Variants in LTF observed in about 807,000 individuals in gnomAD.
LTF encodes lactotransferrin.
A neutral mutation model predicts 87.2 loss-of-function variants in LTF; 91 were observed. The observed-to-expected ratio is 1.04, with a 90% CI of 0.88 to 1.24. The LOEUF (loss-of-function observed/expected upper bound fraction) is 1.24. LTF is among the 50% of genes most tolerant of loss of function. The probability of loss-of-function intolerance (pLI) is 0.00; values close to 1 mark genes in which losing one functional copy is unlikely to be tolerated. For missense variants in LTF, 901 were observed against 904.3 expected (o/e 1.00, Z 0.05); for synonymous variants, 378 against 356.1 (o/e 1.06, Z -0.69).
chr3:46,450,417 C>A, intron 7 of LTF, 78 bp downstream of exon 7: 1 of 1,472,968 alleles, frequency 6.8e-7, no homozygotes, highest in Non-Finnish European at 9.3e-7. Flanking sequence ...TCTGGAGTGG[C>A]AGAAGTCAGG....
At chr3:46,441,800 T>C in intron 13 of LTF, 1 of 263,152 alleles carries the variant, frequency 3.8e-6, no homozygotes. Flanking sequence ...ACCACAGATG[T>C]GCAGGCGGCC....
Position 46,438,122 on chromosome 3 carries a change from A to T in LTF, c.1916T>A (p.Phe639Tyr), listed in dbSNP as rs1467524617. 1 of 1,612,914 alleles carries T rather than the reference A, an allele frequency of 6.2e-7. No homozygotes were observed. Among genetic ancestry groups the T allele is most frequent in the African/African-American group, 1.3e-5 (1 of 74,770 alleles). The change falls in exon 16 of 17, where the codon TTT becomes TAT. Residue 639 changes from phenylalanine (F) to tyrosine (Y), a missense_variant. Coordinates refer to ENST00000231751, the MANE Select transcript of LTF (RefSeq NM_002343.6). Reference protein sequence around the residue: ...KQVLLHQQAKFGRNGSDCPDK... With the variant: ...KQVLLHQQAKYGRNGSDCPDK... Reference sequence around the variant, plus strand: ...CGGGCAGTCAGATCCATTTCTCCCAAATTTAGCCTGCGACAAAAGGGCAGA... The same window carrying T: ...CGGGCAGTCAGATCCATTTCTCCCATATTTAGCCTGCGACAAAAGGGCAGA...
At chr3:46,466,625 G>A (rs1482471946), upstream of LTF, among the ~76,000 whole-genome samples, 1 of 152,184 alleles carries the variant, frequency 6.6e-6, no homozygotes, top group Admixed American at 6.5e-5. Context: ...CATGAGACTG[G>A]GGTCTGAGAT....
rs763507811 is a variant in LTF, at chr3:46,454,344, C to A, written c.664G>T (p.Ala222Ser). 2 of 1,614,184 alleles carry A rather than the reference C, an allele frequency of 1.2e-6. No individual in the cohort carries two copies. Among genetic ancestry groups the A allele is most frequent in the Non-Finnish European group, 1.7e-6 (2 of 1,180,014 alleles). Residue 222 changes from alanine to serine, a missense_variant, in exon 6 of 17, where the codon GCT becomes TCT. Ala to Ser is a moderately conservative substitution (Grantham distance 99). Transcript: ENST00000231751. Reference protein sequence around the residue: ...SGAFKCLRDGAGDVAFIREST... With the variant: ...SGAFKCLRDGSGDVAFIREST... ...TCTCTGATAAAAGCCACGTCTCCAG[C>A]CCCGTCTCTCAGACACCTGTGAAAA...
At position 46,444,173 on chromosome 3, in the gene LTF, G is replaced by A. The variant is rs1575308494; in HGVS notation, c.1514-591C>T. The stretch of plus-strand genomic sequence containing the variant: ...ATCCTGCACATAGAATGCAGAAGCA[G>A]GGACTGGACTTAGAGATGCAATGTG... On this transcript the variant is annotated intron_variant, in intron 12 of 16. Coordinates refer to ENST00000231751, the MANE Select transcript of LTF (RefSeq NM_002343.6). 2.0e-5 allele frequency among the ~76,000 whole-genome samples: 3 copies of A among 152,304 alleles called. No individual in the cohort carries two copies. In the South Asian group the frequency reaches 6.2e-4, roughly 32 times the overall value.
intron 11 of LTF, among the ~76,000 whole-genome samples, chr3:46,445,798 A>G (rs764160963): frequency 4.1e-4 from 62 of 152,194 alleles, no homozygotes; most frequent in Admixed American, 8.5e-4. Flanking sequence ...TGCATAAATC[A>G]CCAACCACAG....
intron 1 of LTF, among the ~76,000 whole-genome samples, chr3:46,476,904 T>C (rs536289307): frequency 2.6e-5 from 4 of 152,394 alleles, no homozygotes; most frequent in African/African-American, 9.6e-5. Flanking sequence ...TCTTTATGTA[T>C]GTGAGTGTAC....
chr3:46,459,543 C>T (rs1051934281), intron 2 of LTF, 113 bp downstream of exon 2: 13 of 1,077,826 alleles, frequency 1.2e-5, no homozygotes, highest in African/African-American at 1.1e-4. Context: ...CTCCCCACTT[C>T]GTTGCCCAAC....
chr3:46,483,646 C>T (rs925069639), intron 1 of LTF, among the ~76,000 whole-genome samples: 2 of 152,060 alleles, frequency 1.3e-5, no homozygotes, highest in African/African-American at 2.4e-5. Context: ...TTAATAGGAG[C>T]AAGAGTGGAG....
At chr3:46,466,561 C>T (rs1159838977), upstream of LTF, among the ~76,000 whole-genome samples, 3 of 152,168 alleles carry the variant, frequency 2.0e-5, no homozygotes, top group Non-Finnish European at 4.4e-5. Flanking sequence ...CATTTCTGGG[C>T]ATGATCCTGC....
chr3:46,450,776 A>G, intron 6 of LTF, 103 bp from the exon 7 acceptor site: 1 of 971,068 alleles, frequency 1.0e-6, no homozygotes, highest in Non-Finnish European at 1.6e-6. Flanking sequence ...GCTTGGGGAG[A>G]TAGCTGACAA....
At chr3:46,471,441 A>G (rs1167540630) in intron 1 of LTF, among the ~76,000 whole-genome samples, 1 of 152,188 alleles carries the variant, frequency 6.6e-6, no homozygotes, top group African/African-American at 2.4e-5. Flanking sequence ...ACTTGTAACT[A>G]CTGACACCTG....
intron 4 of LTF, 118 bp from the exon 5 acceptor site, chr3:46,455,560 ACT>A (rs1702907868): frequency 2.3e-6 from 3 of 1,313,776 alleles, no homozygotes; most frequent in East Asian, 2.5e-5. Flanking sequence ...TGCAGGAGAG[ACT>A]CTGTCATGGG....
chr3:46,456,242 G>T (rs778267547), intron 3 of LTF, 48 bp downstream of exon 3: 2 of 1,478,840 alleles, frequency 1.4e-6, no homozygotes, highest in Admixed American at 3.4e-5. Flanking sequence ...ACAGCTCAGG[G>T]CACAGGCTGA....
intron 1 of LTF, among the ~76,000 whole-genome samples, chr3:46,478,602 G>A (rs1254084627): frequency 6.6e-6 from 1 of 152,212 alleles, no homozygotes; most frequent in Non-Finnish European, 1.5e-5. Context: ...CAACGTAGAT[G>A]CTAGAGGGCC....
At chr3:46,446,894 C>T (rs1342740806) in intron 10 of LTF, among the ~76,000 whole-genome samples, 1 of 152,150 alleles carries the variant, frequency 6.6e-6, no homozygotes, top group African/African-American at 2.4e-5. Flanking sequence ...CTTAGATCTG[C>T]GACCTTAGAA....
intron 8 of LTF, among the ~76,000 whole-genome samples, chr3:46,449,305 G>A (rs975416924): frequency 7.2e-5 from 11 of 152,202 alleles, no homozygotes; most frequent in Non-Finnish European, 1.6e-4. Context: ...CTCTGTCTCT[G>A]AGGATAAACG....
At chr3:46,481,571 C>T (rs963099541) in intron 1 of LTF, among the ~76,000 whole-genome samples, 2 of 152,130 alleles carry the variant, frequency 1.3e-5, no homozygotes, top group African/African-American at 2.4e-5. Context: ...GCCAACATGG[C>T]GAAACCCCAT....
intron 5 of LTF, 110 bp from the exon 6 acceptor site, chr3:46,454,470 G>T: frequency 1.0e-6 from 1 of 979,522 alleles, no homozygotes; most frequent in Non-Finnish European, 1.6e-6. Context: ...TCCCTGCAGG[G>T]CAGGGCTCTG....
Sources: gnomAD v4.1 joint callset for allele counts (sites outside exome capture counted in the v4.1 genomes callset) on GRCh38, gnomAD v4.1.1 for gene constraint, MANE v1.5 for transcripts, NCBI Gene and HGNC (gene_info 2026-07-23, HGNC 2026-07-21) for gene names.